The following CERS6 variants were observed in gnomAD, a reference collection of about 807,000 sequenced individuals.
CERS6 encodes LAG1 homolog, ceramide synthase 6.
Under a neutral mutation model 56.8 loss-of-function variants are expected in CERS6, and 26 were observed. That is an observed-to-expected ratio of 0.46 (90% CI 0.34 to 0.63). CERS6 has a LOEUF of 0.63. Among genes scored for constraint, CERS6 ranks in the 30% least tolerant of loss-of-function variants. The pLI is 0.01. For missense variants in CERS6, 415 were observed against 467.5 expected (o/e 0.89, Z 1.04); for synonymous variants, 164 against 173.3 (o/e 0.95, Z 0.42).
intron 3 of CERS6, among the ~76,000 whole-genome samples, chr2:168,569,377 A>G (rs1435792350): frequency 3.3e-5 from 5 of 152,244 alleles, no homozygotes; most frequent in African/African-American, 1.2e-4. Flanking sequence ...GTCTGTAACA[A>G]TGTCAGAAGG....
intron 3 of CERS6, among the ~76,000 whole-genome samples, chr2:168,582,685 T>A (rs983185223): frequency 2.6e-5 from 4 of 152,204 alleles, no homozygotes; most frequent in Non-Finnish European, 5.9e-5. Context: ...TATTTTAATA[T>A]TGATGTGAAG....
intron 8 of CERS6, among the ~76,000 whole-genome samples, chr2:168,733,327 G>A (rs1035331527): frequency 1.3e-5 from 2 of 152,130 alleles, no homozygotes; most frequent in Admixed American, 1.3e-4. Flanking sequence ...ATCAGGATAC[G>A]CTTCTCTGGA....
intron 4 of CERS6, among the ~76,000 whole-genome samples, chr2:168,673,269 C>T (rs1685968415): frequency 6.6e-6 from 1 of 152,184 alleles, no homozygotes; most frequent in Non-Finnish European, 1.5e-5. Flanking sequence ...ATGAGTTTTA[C>T]TCCAACATTA....
chr2:168,699,140 G>T (rs1012791722), intron 6 of CERS6, among the ~76,000 whole-genome samples: 3 of 152,142 alleles, frequency 2.0e-5, no homozygotes, highest in Non-Finnish European at 2.9e-5. Context: ...GTCCTTGGCA[G>T]TTCCATCCTT....
intron 6 of CERS6, among the ~76,000 whole-genome samples, chr2:168,714,257 T>C (rs1687171909): frequency 6.6e-6 from 1 of 152,228 alleles, no homozygotes; most frequent in South Asian, 2.1e-4. Context: ...ATTAAGATTT[T>C]AACATGAATT....
At chr2:168,463,671 G>T (rs1379684157) in intron 1 of CERS6, among the ~76,000 whole-genome samples, 1 of 152,194 alleles carries the variant, frequency 6.6e-6, no homozygotes, top group Non-Finnish European at 1.5e-5. Flanking sequence ...ACTTTGGGAG[G>T]CTGAGGAGGT....
intron 8 of CERS6, among the ~76,000 whole-genome samples, chr2:168,740,466 T>C (rs931253502): frequency 1.3e-5 from 2 of 152,190 alleles, no homozygotes; most frequent in African/African-American, 4.8e-5. Context: ...CTTGCCCTTA[T>C]GAAGCTTTCT....
intron 6 of CERS6, among the ~76,000 whole-genome samples, chr2:168,707,408 C>T (rs1283187928): frequency 6.6e-6 from 1 of 152,176 alleles, no homozygotes; most frequent in African/African-American, 2.4e-5. Context: ...TGCCAGGACT[C>T]CTCCACCTTA....
intron 3 of CERS6, among the ~76,000 whole-genome samples, chr2:168,617,157 C>T (rs370210815): frequency 4.7e-4 from 72 of 152,162 alleles, no homozygotes; most frequent in East Asian, 2.3e-3. Context: ...GAAATCAAGA[C>T]GGAAATTTAA....
chr2:168,593,149 C>A (rs1683714617), intron 3 of CERS6, among the ~76,000 whole-genome samples: 1 of 152,094 alleles, frequency 6.6e-6, no homozygotes, highest in African/African-American at 2.4e-5. Flanking sequence ...CCTTTTTTCC[C>A]TTATAAGAAC....
rs1684598352 is a variant in CERS6, at chr2:168,626,676, G to A, written c.408-4309G>A. 2.0e-5 allele frequency among the ~76,000 whole-genome samples: 3 copies of A among 152,252 alleles called. No individual in the cohort carries two copies. The South Asian group carries it at 6.2e-4, about 32-fold the overall frequency. On this transcript the variant is annotated intron_variant, in intron 3 of 9. Coordinates refer to ENST00000305747, the MANE Select transcript of CERS6 (RefSeq NM_203463.3). ...TCTAATTCTGTAGAATTTGAGAGAGGGCTTTAGAGTCACTGCTAGGTTTGT... is the reference window on the plus strand; with the variant it reads ...TCTAATTCTGTAGAATTTGAGAGAGAGCTTTAGAGTCACTGCTAGGTTTGT...
intron 6 of CERS6, among the ~76,000 whole-genome samples, chr2:168,702,174 A>G (rs1307695896): frequency 6.6e-6 from 1 of 152,230 alleles, no homozygotes; most frequent in Non-Finnish European, 1.5e-5. Flanking sequence ...GGGGGCCAAC[A>G]GTATTAATTT....
At chr2:168,511,609 A>G (rs918140112) in intron 1 of CERS6, among the ~76,000 whole-genome samples, 3 of 152,174 alleles carry the variant, frequency 2.0e-5, no homozygotes, top group Non-Finnish European at 4.4e-5. Flanking sequence ...TTTGGGCTAT[A>G]TTCTGGTGTT....
chr2:168,608,485 A>G (rs1326470321), intron 3 of CERS6, among the ~76,000 whole-genome samples: 1 of 152,190 alleles, frequency 6.6e-6, no homozygotes, highest in African/African-American at 2.4e-5. Context: ...AAGATACACC[A>G]TTTCATCTTC....
chr2:168,497,690 T>C (rs1694497113), intron 1 of CERS6, among the ~76,000 whole-genome samples: 2 of 152,162 alleles, frequency 1.3e-5, no homozygotes, highest in East Asian at 1.9e-4. Context: ...GGTGACATGG[T>C]GGCTGGCTCA....
chr2:168,628,854 A>C (rs1684648388), intron 3 of CERS6, among the ~76,000 whole-genome samples: 1 of 150,672 alleles, frequency 6.6e-6, no homozygotes, highest in South Asian at 2.1e-4. Context: ...TGATTCTAGC[A>C]GTAGGTTGAA....
intron 2 of CERS6, among the ~76,000 whole-genome samples, chr2:168,549,576 A>G (rs1445629306): frequency 6.6e-6 from 1 of 152,234 alleles, no homozygotes; most frequent in African/African-American, 2.4e-5. Context: ...CGGAGGTTGC[A>G]GTGAGCAGAG....
At chr2:168,540,475 C>T (rs1409433927) in intron 1 of CERS6, among the ~76,000 whole-genome samples, 1 of 152,154 alleles carries the variant, frequency 6.6e-6, no homozygotes, top group African/African-American at 2.4e-5. Context: ...TTTTAATTGC[C>T]TATTCACTAC....
intron 1 of CERS6, among the ~76,000 whole-genome samples, chr2:168,461,347 G>C (rs886728195): frequency 6.6e-6 from 1 of 151,932 alleles, no homozygotes; most frequent in East Asian, 1.9e-4. Flanking sequence ...GCTTCAGGCC[G>C]GGTGCAGTGG....
Sources: allele counts gnomAD v4.1 joint callset (sites outside exome capture counted in the v4.1 genomes callset), GRCh38; gene constraint gnomAD v4.1.1; transcripts MANE v1.5; gene names NCBI Gene and HGNC (gene_info 2026-07-23, HGNC 2026-07-21).